ROS1: variants seen among roughly 807,000 people sequenced by gnomAD.
The protein encoded by ROS1 is proto-oncogene tyrosine-protein kinase ROS.
A neutral mutation model predicts 273.5 loss-of-function variants in ROS1; 263 were observed. The ratio of observed to expected loss-of-function variants is 0.96; its 90% confidence interval spans 0.87 to 1.06. The LOEUF (loss-of-function observed/expected upper bound fraction) is 1.06. Among genes scored for constraint, ROS1 ranks in the 50% least tolerant of loss-of-function variants. The probability of loss-of-function intolerance (pLI) is 0.00; values close to 1 mark genes in which losing one functional copy is unlikely to be tolerated. For missense variants in ROS1, 2,833 were observed against 2,751.1 expected (o/e 1.03, Z -0.67); for synonymous variants, 1,008 against 954.1 (o/e 1.06, Z -1.04).
At chr6:117,340,836 C>T (rs978854606) in intron 31 of ROS1, among the ~76,000 whole-genome samples, 2 of 151,892 alleles carry the variant, frequency 1.3e-5, no homozygotes, top group Admixed American at 1.3e-4. Context: ...CACCAAGTTA[C>T]TATGGACTTT....
intron 40 of ROS1, among the ~76,000 whole-genome samples, chr6:117,310,775 A>G (rs1182741516): frequency 6.6e-6 from 1 of 151,902 alleles, no homozygotes; most frequent in Non-Finnish European, 1.5e-5. Flanking sequence ...CATTTTCTTT[A>G]CCCAGTCTAT....
intron 3 of ROS1, among the ~76,000 whole-genome samples, chr6:117,415,939 C>T (rs1009396389): frequency 1.3e-5 from 2 of 151,992 alleles, no homozygotes; most frequent in Non-Finnish European, 2.9e-5. Flanking sequence ...AAATTTGAGA[C>T]GCATAGGCCT....
chr6:117,310,341 A>G, intron 40 of ROS1, 60 bp from the exon 41 acceptor site: 2 of 1,295,306 alleles, frequency 1.5e-6, no homozygotes, highest in Non-Finnish European at 2.1e-6. Context: ...TCCAGAAATC[A>G]AAGAAGTAGC....
intron 39 of ROS1, among the ~76,000 whole-genome samples, chr6:117,314,485 G>A (rs571631149): frequency 5.3e-5 from 8 of 152,138 alleles, no homozygotes; most frequent in South Asian, 2.1e-4. Context: ...CAAAAAGAAC[G>A]TTTAGGTTAT....
intron 12 of ROS1, among the ~76,000 whole-genome samples, chr6:117,392,756 G>A (rs1303747872): frequency 1.3e-5 from 2 of 152,168 alleles, no homozygotes; most frequent in Non-Finnish European, 2.9e-5. Flanking sequence ...CTCCTAAGGT[G>A]GAAGCTAGCA....
At chr6:117,322,647 C>T (rs1776360668) in intron 35 of ROS1, among the ~76,000 whole-genome samples, 1 of 152,168 alleles carries the variant, frequency 6.6e-6, no homozygotes, top group Non-Finnish European at 1.5e-5. Context: ...TAAAAATTGT[C>T]TAATTTTATG....
At chr6:117,412,912 G>A (rs1256285789) in intron 4 of ROS1, among the ~76,000 whole-genome samples, 1 of 151,984 alleles carries the variant, frequency 6.6e-6, no homozygotes, top group Non-Finnish European at 1.5e-5. Context: ...ATTCTTTGGG[G>A]GTAATTTTGC....
chr6:117,321,077 C>T (rs2128562503), intron 36 of ROS1, 182 bp downstream of exon 36: 1 of 561,844 alleles, frequency 1.8e-6, no homozygotes, highest in South Asian at 4.6e-5. Context: ...TTCTTAAAAC[C>T]ACATAATTTT....
At chr6:117,418,867 A>G (rs1023281106) in intron 1 of ROS1, among the ~76,000 whole-genome samples, 1 of 152,206 alleles carries the variant, frequency 6.6e-6, no homozygotes, top group African/African-American at 2.4e-5. Flanking sequence ...TTTTAAAATT[A>G]AGAGCAGGGA....
rs542417250 is a variant in ROS1, at chr6:117,396,188, C to A, written c.883G>T (p.Val295Phe). 1 of 1,612,522 alleles carries A rather than the reference C, an allele frequency of 6.2e-7. No individual in the cohort carries two copies. Among genetic ancestry groups the A allele is most frequent in the African/African-American group, 1.3e-5 (1 of 75,002 alleles). ...CTAAAGGAAGAAGCCTGACCCATAC[C>A]TGCTGAAGATGAAGTGGTAATACTA... is the stretch of plus-strand genomic sequence containing the variant. ...ESSITTSSSA[V>F]QQEEQWLFLS... is the part of the protein sequence containing the mutation. The change falls in exon 9 of 44, where the codon GTT becomes TTT. Residue 295 changes from valine to phenylalanine, a missense_variant and splice_region_variant. By Grantham distance (50) the Val-to-Phe change is conservative. Transcript: ENST00000368507.
At position 117,329,402 on chromosome 6, in the gene ROS1, T is replaced by A. The variant is rs767479948; in HGVS notation, c.5275A>T (p.Ser1759Cys). The part of the protein sequence containing the change: ...KPGIPKLLEG[S>C]KNSIQWEKAE... ...TTCTCCCACTGTATTGAATTTTTACTCCCTTCTAGTAATTTGGGAATGCCT... is the reference window on the plus strand; with the variant it reads ...TTCTCCCACTGTATTGAATTTTTACACCCTTCTAGTAATTTGGGAATGCCT... The change falls in exon 33 of 44, where the codon AGT becomes TGT. Residue 1759 changes from serine (S) to cysteine (C), a missense_variant. Coordinates refer to ENST00000368507, the MANE Select transcript of ROS1 (RefSeq NM_001378902.1). The A allele has an allele frequency of 1.8e-5, 29 of 1,602,808 alleles. No homozygotes were observed. The African/African-American group carries it at 2.9e-4, about 16-fold the overall frequency.
chr6:117,296,784 A>T (rs2128530152), intron 43 of ROS1, among the ~76,000 whole-genome samples: 1 of 152,302 alleles, frequency 6.6e-6, no homozygotes, highest in South Asian at 2.1e-4. Flanking sequence ...TTAATTGTAC[A>T]TTTTAAAATA....
At chr6:117,325,138 A>G (rs1776544041) in intron 34 of ROS1, among the ~76,000 whole-genome samples, 1 of 152,162 alleles carries the variant, frequency 6.6e-6, no homozygotes, top group Non-Finnish European at 1.5e-5. Flanking sequence ...TAACTAGATA[A>G]CTAACTATAA....
chr6:117,414,029 A>AAAGCAAGG (rs1775140381), intron 4 of ROS1, among the ~76,000 whole-genome samples: 1 of 152,054 alleles, frequency 6.6e-6, no homozygotes, highest in South Asian at 2.1e-4. Flanking sequence ...AGAGAGGAAG[A>AAAGCAAGG]AAGCAAGAAA....
rs2128581521 is a variant in ROS1, at chr6:117,326,211, C to T, written c.5539+13G>A. On this transcript the variant is annotated intron_variant, in intron 34 of 43. Transcript: ENST00000368507. Reference sequence around the variant, plus strand: ...GGTAATAAGCTAGTGTGTAGACAGACATGGTAACATACCTCCAACTAATAT... The same window carrying T: ...GGTAATAAGCTAGTGTGTAGACAGATATGGTAACATACCTCCAACTAATAT... 6.4e-7 allele frequency: 1 copy of T among 1,555,518 alleles called. No homozygotes were observed. The highest frequency in any genetic ancestry group is 8.7e-7 in the Non-Finnish European group (1 of 1,147,100).
chr6:117,312,485 T>A (rs1322789545), intron 39 of ROS1, among the ~76,000 whole-genome samples: 4 of 152,140 alleles, frequency 2.6e-5, no homozygotes, highest in Non-Finnish European at 5.9e-5. Flanking sequence ...TCATGGCCCG[T>A]ATCTGAGTCC....
chr6:117,422,378 T>C (rs1446926906), intron 1 of ROS1, among the ~76,000 whole-genome samples: 1 of 152,238 alleles, frequency 6.6e-6, no homozygotes, highest in Non-Finnish European at 1.5e-5. Context: ...GTAGGAATTT[T>C]TTATGCTACA....
At chr6:117,394,390 C>A (rs143195175) in intron 10 of ROS1, 44 bp from the exon 11 acceptor site, 34 of 1,383,714 alleles carry the variant, frequency 2.5e-5, no homozygotes, top group Non-Finnish European at 3.0e-5. Flanking sequence ...ATATAACAAC[C>A]AGGACAAAAA....
Position 117,341,412 on chromosome 6 carries a change from A to G in ROS1, c.4872T>C (p.Ile1624=), listed in dbSNP as rs1242047587. 6.2e-7 allele frequency: 1 copy of G among 1,613,426 alleles called. No homozygotes were observed. The highest frequency in any genetic ancestry group is 1.3e-5 in the African/African-American group (1 of 74,904). ...AAACTCACTGTACCTTTAACACATA[A>G]ATATTTCCACCAGACAGTCTAGTAA... The part of the protein sequence containing the change: ...LLVTRLSGGN[I]YVLKVLACHS... Residue 1624 remains isoleucine (I), a synonymous_variant, in exon 30 of 44, where the codon ATT becomes ATC. Transcript: ENST00000368507.
Sources: gnomAD v4.1 joint callset for allele counts (sites outside exome capture counted in the v4.1 genomes callset) on GRCh38, gnomAD v4.1.1 for gene constraint, MANE v1.5 for transcripts, NCBI Gene and HGNC (gene_info 2026-07-23, HGNC 2026-07-21) for gene names.